Variants in ANKRD11 observed in about 807,000 individuals in gnomAD.
The protein encoded by ANKRD11 is ankyrin repeat domain 11.
In ANKRD11, 17 loss-of-function variants were observed where a neutral mutation model predicts 195.7. The observed-to-expected ratio is 0.09, with a 90% CI of 0.06 to 0.13. ANKRD11 has a LOEUF of 0.13. Ranked by LOEUF, ANKRD11 falls within the 10% of genes least tolerant of loss-of-function variation. The pLI is 1.00. For missense variants in ANKRD11, 3,735 were observed against 3,566.1 expected, an observed-to-expected ratio of 1.05 and a Z score of -1.21; for synonymous variants, 1,953 against 1,528.1, an observed-to-expected ratio of 1.28 and a Z score of -6.49.
intron 12 of ANKRD11, chr16:89,270,601 G>T: frequency 3.3e-6 from 2 of 600,662 alleles, no homozygotes; most frequent in South Asian, 3.7e-5. Context: ...CCTGCACACC[G>T]GGACAGAAGG....
At chr16:89,365,637 A>G (rs2152067914) in intron 2 of ANKRD11, among the ~76,000 whole-genome samples, 1 of 152,336 alleles carries the variant, frequency 6.6e-6, no homozygotes, top group African/African-American at 2.4e-5. Context: ...AAGAGCAGTA[A>G]GCCAAGTAGG....
intron 1 of ANKRD11, among the ~76,000 whole-genome samples, chr16:89,460,875 C>G (rs555877809): frequency 6.6e-6 from 1 of 151,644 alleles, no homozygotes; most frequent in Non-Finnish European, 1.5e-5. Context: ...ATGCCAGTCA[C>G]GAAAGGACAA....
At chr16:89,464,729 C>G (rs981773799) in intron 1 of ANKRD11, among the ~76,000 whole-genome samples, 1 of 151,192 alleles carries the variant, frequency 6.6e-6, no homozygotes, top group East Asian at 1.9e-4. Context: ...CCTAAATTAA[C>G]AGAAAGTAAA....
intron 1 of ANKRD11, among the ~76,000 whole-genome samples, chr16:89,454,120 C>A (rs1038638988): frequency 1.3e-5 from 2 of 152,140 alleles, no homozygotes; most frequent in African/African-American, 4.8e-5. Context: ...TCACAACACC[C>A]CCTGGCACAC....
Position 89,280,530 on chromosome 16 carries a change from G to A in ANKRD11, c.6012C>T (p.Ala2004=). 3.7e-6 allele frequency: 6 copies of A among 1,612,264 alleles called. No homozygotes were observed. Among genetic ancestry groups the A allele is most frequent in the East Asian group, 2.2e-5 (1 of 44,852 alleles). Residue 2004 remains alanine, a synonymous_variant, in exon 9 of 13, where the codon GCC becomes GCT. Transcript: ENST00000301030. ...CCTCCGAGGCGCTGAAGGGCCCTGG[G>A]GCGGCAGAGTGGAGGGGGTCCGCGG... ...FCPADPLHSA[A]PGPFSASEAP...
At chr16:89,431,575 C>T (rs768950615) in intron 1 of ANKRD11, among the ~76,000 whole-genome samples, 5 of 152,194 alleles carry the variant, frequency 3.3e-5, no homozygotes, top group Non-Finnish European at 5.9e-5. Flanking sequence ...CAGGCTTCCA[C>T]CCCACCATTC....
chr16:89,288,805 G>T, intron 6 of ANKRD11, 135 bp from the exon 7 acceptor site: 1 of 1,239,496 alleles, frequency 8.1e-7, no homozygotes, highest in Non-Finnish European at 1.2e-6. Context: ...GAGGGCTGCA[G>T]TTTAGGGAAG....
intron 1 of ANKRD11, among the ~76,000 whole-genome samples, chr16:89,439,683 A>C: frequency 6.6e-6 from 1 of 152,300 alleles, no homozygotes; most frequent in South Asian, 2.1e-4. Context: ...ACTCACACAC[A>C]ACACCAAAGG....
At chr16:89,470,574 G>A (rs1034857770) in intron 1 of ANKRD11, among the ~76,000 whole-genome samples, 1 of 152,164 alleles carries the variant, frequency 6.6e-6, no homozygotes, top group African/African-American at 2.4e-5. Flanking sequence ...AGCCAGGTGC[G>A]ATGGCTCACG....
intron 2 of ANKRD11, among the ~76,000 whole-genome samples, chr16:89,389,286 C>A (rs934592034): frequency 8.5e-5 from 13 of 152,054 alleles, no homozygotes; most frequent in African/African-American, 3.1e-4. Flanking sequence ...TGGCTTCCTA[C>A]AGTGCTGGGA....
At chr16:89,388,057 T>C (rs2041002382) in intron 2 of ANKRD11, among the ~76,000 whole-genome samples, 1 of 152,128 alleles carries the variant, frequency 6.6e-6, no homozygotes, top group Admixed American at 6.5e-5. Flanking sequence ...GGTTCCTTTT[T>C]TAAACTTCAG....
intron 1 of ANKRD11, among the ~76,000 whole-genome samples, chr16:89,479,008 T>C (rs1256450487): frequency 6.6e-6 from 1 of 152,132 alleles, no homozygotes; most frequent in East Asian, 1.9e-4. Context: ...TAGAGACCAG[T>C]GGCATGATCT....
At chr16:89,316,821 C>T (rs939992752) in intron 3 of ANKRD11, 112 bp downstream of exon 3, 32 of 1,308,920 alleles carry the variant, frequency 2.4e-5, no homozygotes, top group Middle Eastern at 4.2e-4. Context: ...GACAGAGGCA[C>T]GAGGAAAGGG....
intron 1 of ANKRD11, chr16:89,489,223 A>G (rs989376472): frequency 2.9e-5 from 3 of 104,240 alleles, no homozygotes; most frequent in African/African-American, 6.5e-5. Flanking sequence ...ACACACACAC[A>G]CACGCGCGCG....
chr16:89,280,590 T>C lies in ANKRD11; in HGVS notation c.5952A>G (p.Pro1984=), dbSNP rs372396960. 1 of 1,613,228 alleles carries C rather than the reference T, an allele frequency of 6.2e-7. No homozygotes were observed. ...GCTTTGGGGACTCGGGGAATCTCTG[T>C]GGAGACTTCAGCAGGAGGTCCGAGC... is the stretch of plus-strand genomic sequence containing the variant. ...PVGSDLLLKS[P]QRFPESPKRF... The change falls in exon 9 of 13, where the codon CCA becomes CCG. Residue 1984 remains proline, a synonymous_variant. Transcript: ENST00000301030.
At chr16:89,404,614 G>A (rs1335347065) in intron 2 of ANKRD11, among the ~76,000 whole-genome samples, 1 of 152,224 alleles carries the variant, frequency 6.6e-6, no homozygotes, top group Non-Finnish European at 1.5e-5. Flanking sequence ...CTAATGCCTA[G>A]GTCAGGAGAA....
chr16:89,472,517 G>A lies in ANKRD11; in HGVS notation c.-145+17728C>T, dbSNP rs1404243797. 2.0e-5 allele frequency among the ~76,000 whole-genome samples: 3 copies of A among 152,188 alleles called. No homozygotes were observed. The East Asian group carries it at 5.8e-4, about 29-fold the overall frequency. Reference sequence around the variant, plus strand: ...AGTCACCAGCACATCACACTCCTCTGACCCATTTATTGATTTATTTGAGAT... The same window carrying A: ...AGTCACCAGCACATCACACTCCTCTAACCCATTTATTGATTTATTTGAGAT... On this transcript the variant is annotated intron_variant, in intron 1 of 12. Coordinates refer to ENST00000301030, the MANE Select transcript of ANKRD11 (RefSeq NM_013275.6).
At chr16:89,360,951 T>C (rs955048530) in intron 2 of ANKRD11, among the ~76,000 whole-genome samples, 3 of 152,138 alleles carry the variant, frequency 2.0e-5, no homozygotes, top group Admixed American at 2.0e-4. Flanking sequence ...TGGCCACTGC[T>C]CTGCATCAGG....
rs1304931927 is a variant in ANKRD11 at position 89,281,112 on chromosome 16, G to A, written c.5430C>T (p.Phe1810=). 2 of 1,611,870 alleles carry A rather than the reference G, an allele frequency of 1.2e-6. No individual in the cohort carries two copies. The highest frequency in any genetic ancestry group is 1.7e-6 in the Non-Finnish European group (2 of 1,178,144). The change falls in exon 9 of 13, where the codon TTC becomes TTT. Residue 1810 remains phenylalanine (F), a synonymous_variant. Coordinates refer to ENST00000301030, the MANE Select transcript of ANKRD11 (RefSeq NM_013275.6). This position sits in a 1 kb window ranked among gnomAD's most constrained non-coding sequence, Gnocchi z 5.5. ...AGGCAGCAGGAACGCTCTGCTGCCT[G>A]AAGAGCTTGTCTCCGACGCTGAATT... is the stretch of plus-strand genomic sequence containing the variant. The part of the protein sequence containing the change: ...EEEFSVGDKL[F]RQQSVPAASS...
Sources: gnomAD v4.1 joint callset for allele counts (sites outside exome capture counted in the v4.1 genomes callset) on GRCh38, gnomAD v4.1.1 for gene constraint, Gnocchi (gnomAD v3.1) non-coding constraint, MANE v1.5 for transcripts, NCBI Gene and HGNC (gene_info 2026-07-23, HGNC 2026-07-21) for gene names.